The following LRRC7 variants were observed in gnomAD, a reference collection of about 807,000 sequenced individuals.
LRRC7 encodes leucine rich repeat containing 7.
A neutral mutation model predicts 175.7 loss-of-function variants in LRRC7; 23 were observed. The ratio of observed to expected loss-of-function variants is 0.13; its 90% CI spans 0.09 to 0.19. LRRC7 has a LOEUF of 0.19. Among genes scored for constraint, LRRC7 ranks in the 10% least tolerant of loss-of-function variants. LRRC7 has a pLI of 1.00. For missense variants in LRRC7, 1,354 were observed against 1,904.7 expected (o/e 0.71, Z 5.38); for synonymous variants, 685 against 680.9 (o/e 1.01, Z -0.09).
At chr1:69,585,615 T>TGGG (rs1557437338) in intron 1 of LRRC7, among the ~76,000 whole-genome samples, 25 of 152,324 alleles carry the variant, frequency 1.6e-4, no homozygotes, top group African/African-American at 5.1e-4. Flanking sequence ...ATCATATGTA[T>TGGG]AAGTATCTAT....
rs1425095912 is a variant in LRRC7 at position 70,130,209 on chromosome 1, C to G, written c.*8322C>G. ...CTTTAAGCTTTTTGAGAGAGAGGATCAGACAATACTTAACAAAGGACTTCT... is the reference window on the plus strand; with the variant it reads ...CTTTAAGCTTTTTGAGAGAGAGGATGAGACAATACTTAACAAAGGACTTCT... On this transcript the variant is annotated 3_prime_UTR_variant, in exon 27 of 27. Transcript: ENST00000651989. The G allele has an allele frequency of 6.6e-6, 1 of 152,168 alleles. No individual in the cohort carries two copies. Among genetic ancestry groups the G allele is most frequent in the East Asian group, 1.9e-4 (1 of 5,198 alleles). 9.4% of individuals were successfully genotyped at this position (152,168 alleles called of 1,614,324 possible).
chr1:69,825,768 A>G lies in LRRC7; in HGVS notation c.442A>G (p.Asn148Asp). The G allele has an allele frequency of 6.2e-7, 1 of 1,605,380 alleles. No individual in the cohort carries two copies. The highest frequency in any genetic ancestry group is 8.5e-7 in the Non-Finnish European group (1 of 1,175,294). The change falls in exon 5 of 27, where the codon AAC becomes GAC. Residue 148 changes from asparagine to aspartate, a missense_variant. Transcript: ENST00000651989. ...SKNGVQEFPE[N>D]IKCCKCLTII... ...TTTAGGTGTACAAGAATTTCCAGAA[A>G]ACATAAAGTGCTGTAAGTGTTTAAC...
intron 2 of LRRC7, among the ~76,000 whole-genome samples, chr1:69,689,326 G>C (rs7540094): frequency 0.14 from 21,765 of 152,080 alleles, 1,705 homozygotes; most frequent in Middle Eastern, 0.2. Context: ...CTGAAGCTGA[G>C]ATATAAACCT....
chr1:69,611,347 T>C (rs1372341675), intron 1 of LRRC7, among the ~76,000 whole-genome samples: 1 of 152,076 alleles, frequency 6.6e-6, no homozygotes, highest in Non-Finnish European at 1.5e-5. Flanking sequence ...ATATGTGAGA[T>C]AGTATAGGTC....
chr1:69,951,073 A>G (rs1056741042), intron 8 of LRRC7, among the ~76,000 whole-genome samples: 1 of 151,884 alleles, frequency 6.6e-6, no homozygotes, highest in Admixed American at 6.6e-5. Flanking sequence ...TCCAGCATCT[A>G]TAAGGAACTT....
rs575705000 is a variant in LRRC7, at chr1:69,954,809, A to G, written c.711+23239A>G. Among the ~76,000 whole-genome samples the G allele has an allele frequency of 1.3e-3, 199 of 152,216 alleles. 2 individuals are homozygous for G. In the South Asian group the frequency reaches 0.015, roughly 12 times the overall value. On this transcript the variant is annotated intron_variant, in intron 8 of 26. Transcript: ENST00000651989. ...AAATATATTCCTTCTGTCTTATGACATTGTCAGCACCAACCTATACATTTA... is the reference window on the plus strand; with the variant it reads ...AAATATATTCCTTCTGTCTTATGACGTTGTCAGCACCAACCTATACATTTA...
intron 1 of LRRC7, among the ~76,000 whole-genome samples, chr1:69,603,855 T>TC (rs1473064422): frequency 6.6e-6 from 1 of 152,088 alleles, no homozygotes; most frequent in Non-Finnish European, 1.5e-5. Flanking sequence ...CAATAACCAC[T>TC]CCCGTTTGTG....
At chr1:69,979,038 A>G (rs781760740) in intron 8 of LRRC7, among the ~76,000 whole-genome samples, 1 of 152,084 alleles carries the variant, frequency 6.6e-6, no homozygotes, top group Non-Finnish European at 1.5e-5. Context: ...ATCCTTAGAC[A>G]GGCTCTCCTT....
At chr1:69,886,407 A>G (rs929919500) in intron 7 of LRRC7, among the ~76,000 whole-genome samples, 1 of 151,352 alleles carries the variant, frequency 6.6e-6, no homozygotes, top group African/African-American at 2.4e-5. Flanking sequence ...TTGTTGGTTT[A>G]AAGTCTGTTT....
At chr1:69,577,112 G>C (rs747992928) in intron 1 of LRRC7, among the ~76,000 whole-genome samples, 1 of 152,162 alleles carries the variant, frequency 6.6e-6, no homozygotes, top group Non-Finnish European at 1.5e-5. Context: ...AGACATCAAT[G>C]TGGGACGTGA....
chr1:69,915,296 A>C (rs1646653012), intron 7 of LRRC7, among the ~76,000 whole-genome samples: 1 of 152,190 alleles, frequency 6.6e-6, no homozygotes, highest in Non-Finnish European at 1.5e-5. Context: ...AGTTTCAAGC[A>C]GGCAAATGAG....
Position 70,134,604 on chromosome 1 carries a change from A to G in LRRC7, c.*12717A>G, listed in dbSNP as rs980190290. Among the ~76,000 whole-genome samples, 61 of 152,296 alleles carry G rather than the reference A, an allele frequency of 4.0e-4. No individual in the cohort carries two copies. The highest frequency in any genetic ancestry group is 1.4e-3 in the African/African-American group (60 of 41,558). On this transcript the variant is annotated 3_prime_UTR_variant, in exon 27 of 27. Coordinates refer to ENST00000651989, the MANE Select transcript of LRRC7 (RefSeq NM_001370785.2). ...TCCCAAAGTTTATGTGAAGCCATTTATATCCTCTGGTGTTTTCCTCCAAAA... is the reference window on the plus strand; with the variant it reads ...TCCCAAAGTTTATGTGAAGCCATTTGTATCCTCTGGTGTTTTCCTCCAAAA...
chr1:69,572,200 T>A (rs1645766606), intron 1 of LRRC7, among the ~76,000 whole-genome samples: 1 of 152,112 alleles, frequency 6.6e-6, no homozygotes, highest in African/African-American at 2.4e-5. Context: ...AATGTTGAAG[T>A]TTTCACTCTG....
At chr1:69,739,951 A>C (rs969148002) in intron 2 of LRRC7, among the ~76,000 whole-genome samples, 1 of 152,120 alleles carries the variant, frequency 6.6e-6, no homozygotes, top group African/African-American at 2.4e-5. Flanking sequence ...ACCTGGTTTT[A>C]TAACTATCCA....
chr1:70,025,747 T>G (rs1658021388), intron 17 of LRRC7, among the ~76,000 whole-genome samples: 1 of 149,970 alleles, frequency 6.7e-6, no homozygotes, highest in Non-Finnish European at 1.5e-5. Flanking sequence ...ATTCTGCTAG[T>G]AGGCTAGTAA....
intron 2 of LRRC7, among the ~76,000 whole-genome samples, chr1:69,754,510 G>A (rs1670190131): frequency 1.3e-5 from 2 of 151,994 alleles, no homozygotes; most frequent in Non-Finnish European, 2.9e-5. Flanking sequence ...TGGTAACATG[G>A]GAGGAGGAGG....
intron 12 of LRRC7, 129 bp from the exon 13 acceptor site, chr1:70,012,845 A>G: frequency 2.6e-6 from 1 of 380,922 alleles, no homozygotes; most frequent in Admixed American, 4.6e-5. Context: ...CATTATAAAA[A>G]CAAAACAATG....
Position 69,909,610 on chromosome 1 carries a change from C to G in LRRC7, c.648-21897C>G, listed in dbSNP as rs192330365. Among the ~76,000 whole-genome samples, 13 of 152,318 alleles carry G rather than the reference C, an allele frequency of 8.5e-5. No homozygotes were observed. The East Asian group carries it at 2.3e-3, about 27-fold the overall frequency. ...GTTTAATATTGGCCCCCACTCTCTT[C>G]TGGCTTGTAGGGTTTCTGCTGAGAG... On this transcript the variant is annotated intron_variant, in intron 7 of 26. Coordinates refer to ENST00000651989, the MANE Select transcript of LRRC7 (RefSeq NM_001370785.2).
intron 8 of LRRC7, among the ~76,000 whole-genome samples, chr1:69,937,778 T>C (rs1439892502): frequency 6.6e-6 from 1 of 151,994 alleles, no homozygotes; most frequent in Non-Finnish European, 1.5e-5. Flanking sequence ...CTAATTTTAT[T>C]AATTATTTTA....
Sources: allele counts gnomAD v4.1 joint callset (sites outside exome capture counted in the v4.1 genomes callset), GRCh38; gene constraint gnomAD v4.1.1; transcripts MANE v1.5; gene names NCBI Gene and HGNC (gene_info 2026-07-23, HGNC 2026-07-21).